The following GRIK2 variants were observed in gnomAD, a reference collection of about 807,000 sequenced individuals.
GRIK2 encodes glutamate ionotropic receptor kainate type subunit 2.
In GRIK2, 32 loss-of-function variants were observed where a neutral mutation model predicts 100.3. The ratio of observed to expected loss-of-function variants is 0.32; its 90% CI spans 0.24 to 0.43. The LOEUF is 0.43. Ranked by LOEUF, GRIK2 falls within the 20% of genes least tolerant of loss-of-function variation. The probability of loss-of-function intolerance (pLI) is 1.00; values close to 1 mark genes in which losing one functional copy is unlikely to be tolerated. For synonymous variants in GRIK2, 417 were observed against 389.4 expected (o/e 1.07, Z -0.83); for missense variants, 843 against 1,114.9 (o/e 0.76, Z 3.47).
At chr6:101,469,130 T>C (rs548256949) in intron 2 of GRIK2, among the ~76,000 whole-genome samples, 1 of 152,246 alleles carries the variant, frequency 6.6e-6, no homozygotes, top group South Asian at 2.1e-4. Flanking sequence ...AACTAGAAAA[T>C]TGTGTGGTTA....
intron 2 of GRIK2, among the ~76,000 whole-genome samples, chr6:101,560,115 A>T (rs1776930918): frequency 6.6e-6 from 1 of 152,156 alleles, no homozygotes; most frequent in African/African-American, 2.4e-5. Flanking sequence ...TGTAGTCCTT[A>T]GAACCCAATA....
intron 7 of GRIK2, among the ~76,000 whole-genome samples, chr6:101,718,891 A>G (rs1022476614): frequency 3.3e-5 from 5 of 152,056 alleles, no homozygotes; most frequent in African/African-American, 1.2e-4. Flanking sequence ...TTATTGTGCA[A>G]TTTATCTAAT....
intron 14 of GRIK2, among the ~76,000 whole-genome samples, chr6:101,931,233 A>G (rs945684286): frequency 1.1e-4 from 16 of 152,268 alleles, no homozygotes; most frequent in Middle Eastern, 3.4e-3. Flanking sequence ...CTACCTACTC[A>G]TTTTGAAACT....
chr6:101,638,699 T>A (rs535779540), intron 4 of GRIK2, among the ~76,000 whole-genome samples: 2,855 of 152,254 alleles, frequency 0.019, 45 homozygotes, highest in Non-Finnish European at 0.028. Context: ...TGTGTGTATG[T>A]AGATCTGTAG....
At chr6:101,469,806 G>A (rs1055606851) in intron 2 of GRIK2, among the ~76,000 whole-genome samples, 12 of 152,266 alleles carry the variant, frequency 7.9e-5, no homozygotes, top group African/African-American at 1.2e-4. Flanking sequence ...GAAGTGGGGC[G>A]TGATTTCATG....
intron 2 of GRIK2, among the ~76,000 whole-genome samples, chr6:101,491,474 T>G (rs1773106894): frequency 6.6e-6 from 1 of 152,032 alleles, no homozygotes; most frequent in Non-Finnish European, 1.5e-5. Context: ...TTTCAATGTT[T>G]CTAATATGTT....
At chr6:101,896,980 A>G (rs1787491585) in intron 12 of GRIK2, among the ~76,000 whole-genome samples, 1 of 145,176 alleles carries the variant, frequency 6.9e-6, no homozygotes, top group Non-Finnish European at 1.5e-5. Flanking sequence ...TTCTTTATGG[A>G]ACATGTCATT....
intron 2 of GRIK2, among the ~76,000 whole-genome samples, chr6:101,480,210 A>G (rs1214119146): frequency 6.6e-6 from 1 of 152,184 alleles, no homozygotes; most frequent in Non-Finnish European, 1.5e-5. Context: ...TCTCTTCATC[A>G]ATGCTCACAA....
intron 2 of GRIK2, among the ~76,000 whole-genome samples, chr6:101,488,133 T>A (rs1772922633): frequency 6.8e-6 from 1 of 146,758 alleles, no homozygotes; most frequent in Non-Finnish European, 1.5e-5. Flanking sequence ...GTGCTTCTAA[T>A]AATAATTTTA....
At chr6:101,789,567 C>G (rs1025639812) in intron 7 of GRIK2, among the ~76,000 whole-genome samples, 7 of 152,022 alleles carry the variant, frequency 4.6e-5, no homozygotes, top group Non-Finnish European at 5.9e-5. Flanking sequence ...TGATCTGTAT[C>G]TCTGTTTTGG....
intron 2 of GRIK2, among the ~76,000 whole-genome samples, chr6:101,435,923 C>G (rs564197937): frequency 6.6e-6 from 1 of 152,264 alleles, no homozygotes; most frequent in African/African-American, 2.4e-5. Context: ...TACTTTTACA[C>G]ATGAATAATT....
chr6:101,791,513 C>A (rs181946229), intron 7 of GRIK2, among the ~76,000 whole-genome samples: 3 of 151,962 alleles, frequency 2.0e-5, no homozygotes, highest in Admixed American at 6.6e-5. Flanking sequence ...TGTAGTTGTG[C>A]GGTTTTGAGT....
At chr6:101,818,227 T>C (rs1781752034) in intron 9 of GRIK2, 143 bp from the exon 10 acceptor site, 1 of 586,410 alleles carries the variant, frequency 1.7e-6, no homozygotes, top group African/African-American at 1.9e-5. Context: ...GAATCATGCT[T>C]TAAACAAGCT....
chr6:101,494,159 TC>T (rs1773305809), intron 2 of GRIK2, among the ~76,000 whole-genome samples: 1 of 150,914 alleles, frequency 6.6e-6, no homozygotes, highest in South Asian at 2.1e-4. Context: ...GGAGTAACAC[TC>T]ATTTATATAT....
chr6:101,877,249 C>T (rs1410449717), intron 11 of GRIK2, among the ~76,000 whole-genome samples: 1 of 151,878 alleles, frequency 6.6e-6, no homozygotes, highest in African/African-American at 2.4e-5. Flanking sequence ...CCAGTTGGCC[C>T]TCTTTATCCT....
intron 2 of GRIK2, among the ~76,000 whole-genome samples, chr6:101,460,489 G>T (rs1771247146): frequency 6.6e-6 from 1 of 152,142 alleles, no homozygotes; most frequent in South Asian, 2.1e-4. Context: ...TCTAATTTGT[G>T]GCAACATGCA....
intron 14 of GRIK2, among the ~76,000 whole-genome samples, chr6:102,027,990 A>C (rs1769791655): frequency 6.6e-6 from 1 of 151,258 alleles, no homozygotes; most frequent in East Asian, 1.9e-4. Context: ...GCAAAGCACT[A>C]TTCTTACACT....
chr6:101,840,293 C>T (rs1027531798), intron 10 of GRIK2, among the ~76,000 whole-genome samples: 2 of 152,198 alleles, frequency 1.3e-5, no homozygotes, highest in Non-Finnish European at 2.9e-5. Context: ...ACATTCAAAA[C>T]CAGTAAATCC....
intron 7 of GRIK2, among the ~76,000 whole-genome samples, chr6:101,699,067 G>A (rs1001692644): frequency 2.0e-5 from 3 of 152,100 alleles, no homozygotes; most frequent in Non-Finnish European, 4.4e-5. Context: ...TTCATTGTAA[G>A]ATGCTCAGCA....
Sources: allele counts gnomAD v4.1 joint callset (sites outside exome capture counted in the v4.1 genomes callset), GRCh38; gene constraint gnomAD v4.1.1; transcripts MANE v1.5; gene names NCBI Gene and HGNC (gene_info 2026-07-23, HGNC 2026-07-21).